The following ETV1 variants were observed in gnomAD, a reference collection of about 807,000 sequenced individuals.
ETV1 encodes ETS translocation variant 1.
ETV1 carries 27 observed loss-of-function variants against 62.3 expected under a neutral mutation model. That is an observed-to-expected ratio of 0.43 (90% CI 0.32 to 0.60). The LOEUF (loss-of-function observed/expected upper bound fraction) is 0.60. Ranked by LOEUF, ETV1 falls within the 20% of genes least tolerant of loss-of-function variation. The pLI, the probability that ETV1 is intolerant of heterozygous loss-of-function variation, is 0.06. For missense variants in ETV1, 605 were observed against 605.8 expected, an observed-to-expected ratio of 1.00 and a Z score of 0.01; for synonymous variants, 222 against 199.6, an observed-to-expected ratio of 1.11 and a Z score of -0.94.
chr7:13,989,008 A>G lies in ETV1; in HGVS notation c.45T>C (p.Asn15=), dbSNP rs373945413. 7.5e-6 allele frequency: 12 copies of G among 1,603,970 alleles called. No individual in the cohort carries two copies. In the African/African-American group the frequency reaches 1.6e-4, roughly 21 times the overall value. The change falls in exon 3 of 14, where the codon AAT becomes AAC. Residue 15 remains asparagine, a splice_region_variant and synonymous_variant. Coordinates refer to ENST00000430479, the MANE Select transcript of ETV1 (RefSeq NM_004956.5). Reference sequence around the variant, plus strand: ...AGCAACTTTCAAACTGATCACTCACATTGGTGACCATGTAAGGCACTTGCT... The same window carrying G: ...AGCAACTTTCAAACTGATCACTCACGTTGGTGACCATGTAAGGCACTTGCT... ...YDQQVPYMVT[N]SQRGRNCNEK...
intron 5 of ETV1, among the ~76,000 whole-genome samples, chr7:13,984,135 T>C (rs765135731): frequency 6.6e-6 from 1 of 152,010 alleles, no homozygotes; most frequent in Non-Finnish European, 1.5e-5. Flanking sequence ...TTATGTCTAA[T>C]AAGGTTTTTA....
intron 13 of ETV1, among the ~76,000 whole-genome samples, chr7:13,899,756 CATTT>C (rs534025624): frequency 2.2e-4 from 33 of 152,270 alleles, no homozygotes; most frequent in African/African-American, 7.0e-4. Flanking sequence ...TATCTTCATT[CATTT>C]ATTTATTCCT....
chr7:13,977,985 C>T (rs1781619326), intron 5 of ETV1, among the ~76,000 whole-genome samples: 1 of 152,070 alleles, frequency 6.6e-6, no homozygotes, highest in Non-Finnish European at 1.5e-5. Flanking sequence ...TTTTAAGATG[C>T]TTGCACTGAA....
At chr7:13,936,144 A>G (rs17167675) in intron 7 of ETV1, among the ~76,000 whole-genome samples, 46,080 of 152,094 alleles carry the variant, frequency 0.3, 7,540 homozygotes, top group East Asian at 0.41. Context: ...TTTTTAATGC[A>G]TATACAAACA....
chr7:13,927,641 T>C (rs1031198155), intron 9 of ETV1, among the ~76,000 whole-genome samples: 64 of 152,288 alleles, frequency 4.2e-4, no homozygotes, highest in African/African-American at 1.4e-3. Context: ...AAAAAATTAA[T>C]GACAACCAAA....
At chr7:13,910,544 C>T (rs181842672) in intron 10 of ETV1, 45 of 506,838 alleles carry the variant, frequency 8.9e-5, no homozygotes, top group African/African-American at 8.7e-4. Context: ...ATCATTTACA[C>T]AAAATAACCA....
chr7:13,906,962 T>C (rs1455952221), intron 11 of ETV1, among the ~76,000 whole-genome samples: 1 of 152,160 alleles, frequency 6.6e-6, no homozygotes, highest in Non-Finnish European at 1.5e-5. Flanking sequence ...GTTAATGCTA[T>C]TACCCACTGC....
At chr7:13,909,344 C>T (rs539006779) in intron 11 of ETV1, among the ~76,000 whole-genome samples, 2 of 152,202 alleles carry the variant, frequency 1.3e-5, no homozygotes, top group South Asian at 4.1e-4. Context: ...TGCATGTGCT[C>T]AGCAGGGCAA....
At chr7:13,915,411 A>G (rs1784038869) in intron 9 of ETV1, among the ~76,000 whole-genome samples, 1 of 152,232 alleles carries the variant, frequency 6.6e-6, no homozygotes, top group African/African-American at 2.4e-5. Flanking sequence ...TGTAAAAAAT[A>G]CTGAGTTGTA....
intron 6 of ETV1, among the ~76,000 whole-genome samples, chr7:13,967,973 T>A (rs1780476586): frequency 6.6e-6 from 1 of 152,112 alleles, no homozygotes; most frequent in Non-Finnish European, 1.5e-5. Flanking sequence ...GGACAAAAAG[T>A]ATAATATTTG....
chr7:13,984,335 C>G (rs184761922), intron 5 of ETV1, among the ~76,000 whole-genome samples: 71 of 151,986 alleles, frequency 4.7e-4, no homozygotes, highest in African/African-American at 1.6e-3. Flanking sequence ...TTCTGGATGT[C>G]CAGAAAGACA....
chr7:13,906,542 C>A lies in ETV1; in HGVS notation c.998G>T (p.Gly333Val). 6.2e-7 allele frequency: 1 copy of A among 1,612,494 alleles called. No individual in the cohort carries two copies. Among genetic ancestry groups the A allele is most frequent in the Admixed American group, 1.7e-5 (1 of 59,848 alleles). ...CAAAAACTGCCAGAGCTGAAGTGAT[C>A]CTCGCCGTTGGTATGTGGGTCCTTC... Reference protein sequence around the residue: ...YREGPTYQRRGSLQLWQFLVA... With the variant: ...YREGPTYQRRVSLQLWQFLVA... The change falls in exon 12 of 14, where the codon GGA becomes GTA. Residue 333 changes from glycine to valine, a missense_variant. By Grantham distance (109) the Gly-to-Val change is moderately radical. Transcript: ENST00000430479.
chr7:13,947,857 A>G (rs1216942715), intron 6 of ETV1, among the ~76,000 whole-genome samples: 1 of 152,212 alleles, frequency 6.6e-6, no homozygotes, highest in Non-Finnish European at 1.5e-5. Flanking sequence ...AGTAAGACAC[A>G]GTCCTTATTA....
chr7:13,898,748 A>G (rs1782097059), intron 13 of ETV1, among the ~76,000 whole-genome samples: 1 of 152,218 alleles, frequency 6.6e-6, no homozygotes, highest in African/African-American at 2.4e-5. Context: ...ATAATTCAAC[A>G]TCATAGTTTT....
At chr7:13,969,598 C>A (rs1780669832) in intron 6 of ETV1, among the ~76,000 whole-genome samples, 1 of 152,136 alleles carries the variant, frequency 6.6e-6, no homozygotes, top group African/African-American at 2.4e-5. Flanking sequence ...GATACAGAAG[C>A]CTAGTTCTAG....
chr7:13,909,746 T>C lies in ETV1; in HGVS notation c.872-46A>G, dbSNP rs141122109. On this transcript the variant is annotated intron_variant, in intron 10 of 13. Coordinates refer to ENST00000430479, the MANE Select transcript of ETV1 (RefSeq NM_004956.5). ...CATTTATTCATGATAGAAATGAAGC[T>C]CACAAACACTTAAAATATAACCATT... 1.1e-5 allele frequency: 16 copies of C among 1,431,716 alleles called. No individual in the cohort carries two copies. The African/African-American group carries it at 1.6e-4, about 14-fold the overall frequency. The allele number at this position is 1,431,716 out of a possible 1,614,324, so 88.7% of individuals were successfully genotyped here. A position where few individuals can be genotyped will look rare whatever the true frequency, so the allele number is the denominator to read the frequency against.
At chr7:13,930,735 C>T (rs1211340611) in intron 9 of ETV1, among the ~76,000 whole-genome samples, 1 of 152,074 alleles carries the variant, frequency 6.6e-6, no homozygotes, top group African/African-American at 2.4e-5. Flanking sequence ...ATCTGTTATT[C>T]CCCTCTTAAT....
At chr7:13,991,412 C>A (rs911735950), upstream of ETV1, 1 of 152,238 alleles carries the variant, frequency 6.6e-6, no homozygotes, top group Admixed American at 6.5e-5. Context: ...AGGTTCTTCC[C>A]GCAGCCAATA....
At chr7:13,926,640 A>T (rs111280145) in intron 9 of ETV1, among the ~76,000 whole-genome samples, 16 of 152,320 alleles carry the variant, frequency 1.1e-4, no homozygotes, top group African/African-American at 3.8e-4. Context: ...ATTTAGACAA[A>T]AACAACCAAC....
Sources: gnomAD v4.1 joint callset for allele counts (sites outside exome capture counted in the v4.1 genomes callset) on GRCh38, gnomAD v4.1.1 for gene constraint, MANE v1.5 for transcripts, NCBI Gene and HGNC (gene_info 2026-07-23, HGNC 2026-07-21) for gene names.